DISP3: variants seen among roughly 807,000 people sequenced by gnomAD.
DISP3 encodes dispatched RND transporter family member 3.
DISP3 carries 101 observed loss-of-function variants against 135.3 expected under a neutral mutation model. The ratio of observed to expected loss-of-function variants is 0.75; its 90% CI spans 0.64 to 0.88. The LOEUF is 0.88. Among genes scored for constraint, DISP3 ranks in the 40% least tolerant of loss-of-function variants. The pLI is 0.00. For missense variants in DISP3, 1,713 were observed against 1,878.6 expected (o/e 0.91, Z 1.63); for synonymous variants, 856 against 817.0 (o/e 1.05, Z -0.81).
chr1:11,530,164 A>G (rs934731446), intron 15 of DISP3, among the ~76,000 whole-genome samples: 1 of 152,176 alleles, frequency 6.6e-6, no homozygotes, highest in Admixed American at 6.5e-5. Flanking sequence ...AGATTCACCC[A>G]GGAATCTGGG....
chr1:11,511,872 A>T (rs892023514), intron 3 of DISP3, among the ~76,000 whole-genome samples: 4 of 152,246 alleles, frequency 2.6e-5, no homozygotes, highest in Admixed American at 2.6e-4. Flanking sequence ...TCTGAAATGT[A>T]GGTGGAGGTT....
At chr1:11,502,512 T>G (rs1570091702) in intron 2 of DISP3, among the ~76,000 whole-genome samples, 166 bp from the exon 3 acceptor site, 1 of 148,710 alleles carries the variant, frequency 6.7e-6, no homozygotes, top group Non-Finnish European at 1.5e-5. Flanking sequence ...TGAGGAAGGG[T>G]GGGGCAGGGT....
chr1:11,488,263 G>A (rs1039044194), intron 1 of DISP3, among the ~76,000 whole-genome samples: 1 of 152,156 alleles, frequency 6.6e-6, no homozygotes, highest in African/African-American at 2.4e-5. Context: ...CACCAGCCCC[G>A]GACTCCTGTC....
In DISP3 at chr1:11,514,272, AAGGT is replaced by A. The variant is rs1289820931; in HGVS notation, c.1317-115_1317-112del. 28 of 1,251,736 alleles carry A rather than the reference AAGGT, an allele frequency of 2.2e-5. No homozygotes were observed. The African/African-American group carries it at 3.7e-4, about 17-fold the overall frequency. The allele number at this position is 1,251,736 out of a possible 1,614,324, so 77.5% of individuals were successfully genotyped here. On this transcript the variant is annotated intron_variant, in intron 3 of 20. Transcript: ENST00000294484. ...CCCCAGGTGATTTTGATATCCAACC[AAGGT>A]AGAGTCACAGGTGAAGTGGACAGCT...
chr1:11,516,188 C>T lies in DISP3; in HGVS notation c.1749+27C>T. 6.2e-7 allele frequency: 1 copy of T among 1,608,156 alleles called. No homozygotes were observed. The highest frequency in any genetic ancestry group is 8.5e-7 in the Non-Finnish European group (1 of 1,176,530). ...TGCGGACCTGTCCTCCATTCCTGTC[C>T]TGGCCTCCCACACGCTCATGCATAC... On this transcript the variant is annotated intron_variant, in intron 6 of 20. Coordinates refer to ENST00000294484, the MANE Select transcript of DISP3 (RefSeq NM_020780.2). This position sits in a 1 kb window ranked among gnomAD's most constrained non-coding sequence, Gnocchi z 5.1.
intron 1 of DISP3, among the ~76,000 whole-genome samples, chr1:11,498,484 G>C (rs569581029): frequency 3.3e-5 from 5 of 152,172 alleles, no homozygotes; most frequent in African/African-American, 7.2e-5. Context: ...CGTCCGAAGA[G>C]AGCCAGAAGG....
chr1:11,517,646 A>C, intron 7 of DISP3, 44 bp downstream of exon 7: 1 of 1,604,884 alleles, frequency 6.2e-7, no homozygotes, highest in Non-Finnish European at 8.5e-7. Context: ...TATCCACAAC[A>C]GGCCTCTATG....
chr1:11,513,948 GTTTT>G (rs57749480), intron 3 of DISP3, among the ~76,000 whole-genome samples: 3 of 147,906 alleles, frequency 2.0e-5, no homozygotes, highest in Non-Finnish European at 4.5e-5. Flanking sequence ...GCCTGGTTAT[GTTTT>G]TTTTTTTTTT....
Position 11,499,938 on chromosome 1 carries a change from A to C in DISP3, c.-3-1052A>C, listed in dbSNP as rs960036499. ...TCCTCCTCTTACCGCCTAGCATCTA[A>C]CTGGATAATGAGTCTCTCTCTGTCC... On this transcript the variant is annotated intron_variant, in intron 1 of 20. Coordinates refer to ENST00000294484, the MANE Select transcript of DISP3 (RefSeq NM_020780.2). The surrounding 1 kb of genome is among the most constrained non-coding windows in gnomAD (Gnocchi z 5.2). Among the ~76,000 whole-genome samples the C allele has an allele frequency of 3.9e-5, 6 of 152,254 alleles. No individual in the cohort carries two copies. The highest frequency in any genetic ancestry group is 3.3e-4 in the Admixed American group (5 of 15,292).
At chr1:11,497,036 G>A (rs1045806917) in intron 1 of DISP3, among the ~76,000 whole-genome samples, 3 of 152,136 alleles carry the variant, frequency 2.0e-5, no homozygotes, top group Non-Finnish European at 4.4e-5. Flanking sequence ...GGTGGGGAGG[G>A]TGCATGATAG....
At chr1:11,534,873 G>C in intron 18 of DISP3, 138 bp from the exon 19 acceptor site, 1 of 861,746 alleles carries the variant, frequency 1.2e-6, no homozygotes, top group Non-Finnish European at 1.9e-6. Context: ...AAACAAGGCC[G>C]GTAGGGTAGG....
chr1:11,533,011 C>A (rs947466368), intron 17 of DISP3, among the ~76,000 whole-genome samples: 3 of 152,020 alleles, frequency 2.0e-5, no homozygotes, highest in Non-Finnish European at 4.4e-5. Context: ...TGGCCTGAAC[C>A]ATTTTTAAGC....
intron 1 of DISP3, among the ~76,000 whole-genome samples, chr1:11,482,178 G>C (rs1640922260): frequency 6.6e-6 from 1 of 152,170 alleles, no homozygotes; most frequent in Non-Finnish European, 1.5e-5. Context: ...AAAGGCGGTG[G>C]ATGGAATTGT....
chr1:11,519,978 C>A lies in DISP3; in HGVS notation c.2200+98C>A. The A allele has an allele frequency of 7.9e-7, 1 of 1,261,004 alleles. No homozygotes were observed. The highest frequency in any genetic ancestry group is 1.4e-5 in the South Asian group (1 of 70,856). 78.1% of individuals were successfully genotyped at this position (1,261,004 alleles called of 1,614,324 possible). ...CCCCCTCTCGCAGATGCCCCAGGGT[C>A]AGAGGCCTGGGCTGGGGTCTCTCCC... On this transcript the variant is annotated intron_variant, in intron 9 of 20. Coordinates refer to ENST00000294484, the MANE Select transcript of DISP3 (RefSeq NM_020780.2). The surrounding 1 kb of genome is among the most constrained non-coding windows in gnomAD (Gnocchi z 4.3).
At chr1:11,492,642 C>T (rs114862338) in intron 1 of DISP3, among the ~76,000 whole-genome samples, 234 of 152,286 alleles carry the variant, frequency 1.5e-3, no homozygotes, top group African/African-American at 4.8e-3. Context: ...GAATTTCCGG[C>T]TGGCAAATTG....
chr1:11,501,895 C>T lies in DISP3; in HGVS notation c.903C>T (p.Ile301=). 6.2e-7 allele frequency: 1 copy of T among 1,613,382 alleles called. No individual in the cohort carries two copies. The highest frequency in any genetic ancestry group is 8.5e-7 in the Non-Finnish European group (1 of 1,179,766). The part of the protein sequence containing the change: ...TSERLVTIHE[I]ERKIMDHPGF... ...AGCGCCTGGTCACGATCCATGAGAT[C>T]GAGCGCAAGATCATGGACCACCCAG... Residue 301 remains isoleucine, a synonymous_variant, in exon 2 of 21, where the codon ATC becomes ATT. Transcript: ENST00000294484. This position sits in a 1 kb window ranked among gnomAD's most constrained non-coding sequence, Gnocchi z 4.9.
intron 1 of DISP3, among the ~76,000 whole-genome samples, chr1:11,481,072 T>TACAC (rs374687395): frequency 2.3e-5 from 2 of 87,788 alleles, no homozygotes; most frequent in African/African-American, 1.0e-4. Context: ...CTCACACACA[T>TACAC]ACACACACAC....
chr1:11,497,799 C>T (rs2100393921), intron 1 of DISP3, among the ~76,000 whole-genome samples: 1 of 152,328 alleles, frequency 6.6e-6, no homozygotes, highest in South Asian at 2.1e-4. Flanking sequence ...GAATAATAGT[C>T]TCTAATCTCA....
Position 11,501,504 on chromosome 1 carries a change from C to T in DISP3, c.512C>T (p.Ala171Val), listed in dbSNP as rs1641516920. The T allele has an allele frequency of 1.9e-6, 3 of 1,605,616 alleles. No individual in the cohort carries two copies. The highest frequency in any genetic ancestry group is 2.6e-6 in the Non-Finnish European group (3 of 1,175,902). Residue 171 changes from alanine (A) to valine (V), a missense_variant, in exon 2 of 21, where the codon GCC (alanine) becomes GTC (valine). Ala to Val is a moderately conservative substitution (Grantham distance 64). Transcript: ENST00000294484. This position sits in a 1 kb window ranked among gnomAD's most constrained non-coding sequence, Gnocchi z 4.9. ...AACCGCTCGCGGCAAGCCTCCCGAG[C>T]CCCCCGCGTCATCCCCGCGGCCTCA... ...LGNRSRQASR[A>V]PRVIPAASLG...
Sources: allele counts gnomAD v4.1 joint callset (sites outside exome capture counted in the v4.1 genomes callset), GRCh38; gene constraint gnomAD v4.1.1; non-coding constraint Gnocchi (gnomAD v3.1); transcripts MANE v1.5; gene names NCBI Gene and HGNC (gene_info 2026-07-23, HGNC 2026-07-21).